SMARCAD1: variants seen among roughly 807,000 people sequenced by gnomAD.
SMARCAD1 encodes SNF2 related chromatin remodeling ATPase with DExD box 1.
Under a neutral mutation model 127.1 loss-of-function variants are expected in SMARCAD1, and 25 were observed. The observed-to-expected ratio is 0.20, with a 90% CI of 0.14 to 0.27. SMARCAD1 has a LOEUF of 0.27. Among genes scored for constraint, SMARCAD1 ranks in the 10% least tolerant of loss-of-function variants. The probability of loss-of-function intolerance (pLI) is 1.00; values close to 1 mark genes in which losing one functional copy is unlikely to be tolerated. For missense variants in SMARCAD1, 807 were observed against 1,206.0 expected, an observed-to-expected ratio of 0.67 and a Z score of 4.90; for synonymous variants, 400 against 396.9, an observed-to-expected ratio of 1.01 and a Z score of -0.09.
Position 94,240,660 on chromosome 4 carries a change from A to T in SMARCAD1, c.605-246A>T, listed in dbSNP as rs928350441. On this transcript the variant is annotated intron_variant, in intron 5 of 23. Transcript: ENST00000354268. ...GAATTACTCATCAATTTAGAGATGT[A>T]TATTTTTAGATTAAATAATGTGATG... Among the ~76,000 whole-genome samples the T allele has an allele frequency of 1.3e-5, 2 of 152,190 alleles. 1 individual carries two copies. Among genetic ancestry groups the T allele is most frequent in the South Asian group, 4.1e-4 (2 of 4,824 alleles).
At chr4:94,211,881 C>T (rs1488467208) in intron 2 of SMARCAD1, among the ~76,000 whole-genome samples, 2 of 149,622 alleles carry the variant, frequency 1.3e-5, no homozygotes, top group African/African-American at 4.9e-5. Context: ...TAGCCACCCA[C>T]CCCAGCCCAC....
intron 23 of SMARCAD1, among the ~76,000 whole-genome samples, chr4:94,289,079 T>G (rs552975333): frequency 6.7e-6 from 1 of 150,330 alleles, no homozygotes; most frequent in South Asian, 2.1e-4. Flanking sequence ...AAAATAAGAA[T>G]ATAGATTGGT....
chr4:94,264,648 G>T, intron 9 of SMARCAD1, 59 bp from the exon 10 acceptor site: 1 of 1,457,188 alleles, frequency 6.9e-7, no homozygotes, highest in Non-Finnish European at 9.5e-7. Context: ...AAGAAATCAG[G>T]ATTGCCTTTC....
chr4:94,251,220 T>C (rs1049371565), intron 8 of SMARCAD1, among the ~76,000 whole-genome samples: 1 of 152,130 alleles, frequency 6.6e-6, no homozygotes, highest in South Asian at 2.1e-4. Flanking sequence ...TGCACAGATA[T>C]CAAAAGCACT....
rs1352445671 is a variant in SMARCAD1, at chr4:94,291,087, T to C, written c.*1553T>C. ...ACTATACCCAAATCAGTTATTCAAATTGTTAGGAATTTTACCTTTTAAAAT... is the reference window on the plus strand; with the variant it reads ...ACTATACCCAAATCAGTTATTCAAACTGTTAGGAATTTTACCTTTTAAAAT... On this transcript the variant is annotated 3_prime_UTR_variant, in exon 24 of 24. Coordinates refer to ENST00000354268, the MANE Select transcript of SMARCAD1 (RefSeq NM_020159.5). 4.5e-6 allele frequency: 2 copies of C among 448,102 alleles called. No homozygotes were observed. Among genetic ancestry groups the C allele is most frequent in the Non-Finnish European group, 8.9e-6 (2 of 224,864 alleles). The allele number at this position is 448,102 out of a possible 1,614,324, so 27.8% of individuals were successfully genotyped here. A position where few individuals can be genotyped will look rare whatever the true frequency, so the allele number is the denominator to read the frequency against.
intron 2 of SMARCAD1, among the ~76,000 whole-genome samples, chr4:94,211,887 C>T (rs2125786123): frequency 6.7e-6 from 1 of 148,380 alleles, no homozygotes; most frequent in Non-Finnish European, 1.5e-5. Context: ...CCCACCCCAG[C>T]CCACCCTACC....
At position 94,208,404 on chromosome 4, in the gene SMARCAD1, T is replaced by C. The variant is rs1330794490; in HGVS notation, c.10T>C (p.Phe4Leu). 1 of 1,614,028 alleles carries C rather than the reference T, an allele frequency of 6.2e-7. No individual in the cohort carries two copies. Among genetic ancestry groups the C allele is most frequent in the African/African-American group, 1.3e-5 (1 of 74,918 alleles). MNLFNLDRFRFEKR... is the reference protein window; with the variant it reads MNLLNLDRFRFEKR... ...GGTGCTTTCTACCAATATGAATCTT[T>C]TCAACCTGGACCGTTTTCGCTTTGA... Residue 4 changes from phenylalanine to leucine, a missense_variant, in exon 2 of 24, where the codon TTC becomes CTC. Phe to Leu is a conservative substitution (Grantham distance 22). This residue lies in a region of SMARCAD1 where 175 missense variants were observed against 169.5 expected (regional missense o/e 1.03). Transcript: ENST00000354268.
At chr4:94,275,819 C>G (rs1753209687) in intron 14 of SMARCAD1, among the ~76,000 whole-genome samples, 1 of 29,134 alleles carries the variant, frequency 3.4e-5, no homozygotes, top group African/African-American at 9.1e-5. Flanking sequence ...TTTTTTGAGA[C>G]GGAGTCTCAC....
chr4:94,225,250 A>G (rs1744811307), intron 2 of SMARCAD1, among the ~76,000 whole-genome samples: 1 of 152,178 alleles, frequency 6.6e-6, no homozygotes, highest in African/African-American at 2.4e-5. Context: ...TTTGAAGTCC[A>G]AGATCAAGTT....
At chr4:94,284,639 G>T (rs1210284967) in intron 22 of SMARCAD1, among the ~76,000 whole-genome samples, 4 of 146,690 alleles carry the variant, frequency 2.7e-5, no homozygotes, top group Non-Finnish European at 4.5e-5. Context: ...TGGCCAGGCT[G>T]ATCGGCTGAT....
At chr4:94,272,965 G>T (rs1752757799) in intron 11 of SMARCAD1, among the ~76,000 whole-genome samples, 1 of 151,804 alleles carries the variant, frequency 6.6e-6, no homozygotes, top group South Asian at 2.1e-4. Context: ...GCGCCACCAT[G>T]CCTGGCTAAT....
chr4:94,229,634 A>T (rs1342044915), intron 3 of SMARCAD1, among the ~76,000 whole-genome samples: 1 of 152,128 alleles, frequency 6.6e-6, no homozygotes, highest in Non-Finnish European at 1.5e-5. Flanking sequence ...TCTTTTTAGT[A>T]GGAAATGATA....
At chr4:94,242,485 T>A (rs1747744708) in intron 6 of SMARCAD1, among the ~76,000 whole-genome samples, 1 of 152,164 alleles carries the variant, frequency 6.6e-6, no homozygotes, top group East Asian at 1.9e-4. Flanking sequence ...CATCTCTTGG[T>A]ACACAAAATG....
At chr4:94,219,611 C>T (rs1175979428) in intron 2 of SMARCAD1, among the ~76,000 whole-genome samples, 2 of 152,162 alleles carry the variant, frequency 1.3e-5, no homozygotes, top group African/African-American at 2.4e-5. Context: ...TTTGGAATTA[C>T]TCCCTAGGGC....
At chr4:94,233,632 A>C (rs1217564359) in intron 3 of SMARCAD1, among the ~76,000 whole-genome samples, 1 of 152,194 alleles carries the variant, frequency 6.6e-6, no homozygotes. Context: ...GTATTGGTGA[A>C]AGAAGATGAG....
At chr4:94,261,920 T>G (rs1265337578) in intron 9 of SMARCAD1, among the ~76,000 whole-genome samples, 12 of 152,200 alleles carry the variant, frequency 7.9e-5, no homozygotes, top group Admixed American at 7.2e-4. Flanking sequence ...AGTTTATTGT[T>G]TTTTGGCAGT....
In SMARCAD1 at chr4:94,264,918, T is replaced by G; in HGVS notation, c.1481+12T>G. ...ATTCTAAACCAAAGGTAATCTTTGT[T>G]GAATATATTTATTCGTATTTTATCT... On this transcript the variant is annotated intron_variant, in intron 10 of 23. Coordinates refer to ENST00000354268, the MANE Select transcript of SMARCAD1 (RefSeq NM_020159.5). 6.3e-7 allele frequency: 1 copy of G among 1,599,544 alleles called. No homozygotes were observed. Among genetic ancestry groups the G allele is most frequent in the Non-Finnish European group, 8.6e-7 (1 of 1,167,766 alleles).
intron 5 of SMARCAD1, among the ~76,000 whole-genome samples, chr4:94,238,079 C>G (rs890283459): frequency 6.6e-6 from 1 of 152,010 alleles, no homozygotes; most frequent in Non-Finnish European, 1.5e-5. Context: ...ACGATGTGTT[C>G]CCATGGACCC....
Position 94,289,943 on chromosome 4 carries a change from A to G in SMARCAD1, c.*409A>G, listed in dbSNP as rs765886713. 5 of 454,560 alleles carry G rather than the reference A, an allele frequency of 1.1e-5. No homozygotes were observed. Among genetic ancestry groups the G allele is most frequent in the South Asian group, 7.8e-5 (5 of 64,262 alleles). 28.2% of individuals were successfully genotyped at this position (454,560 alleles called of 1,614,324 possible). A position where few individuals can be genotyped will look rare whatever the true frequency, so the allele number is the denominator to read the frequency against. ...ACATGTGCCTTATTTGACAATGCTT[A>G]TGTCTTGTTTTTGCTTGTCTCATTT... On this transcript the variant is annotated 3_prime_UTR_variant, in exon 24 of 24. Transcript: ENST00000354268.
Sources: gnomAD v4.1 joint callset for allele counts (sites outside exome capture counted in the v4.1 genomes callset) on GRCh38, gnomAD v4.1.1 for gene constraint, gnomAD v4.1.1 regional missense constraint, MANE v1.5 for transcripts, NCBI Gene and HGNC (gene_info 2026-07-23, HGNC 2026-07-21) for gene names.